The following SLC4A5 variants were observed in gnomAD, a reference collection of about 807,000 sequenced individuals.
SLC4A5 encodes electrogenic sodium bicarbonate cotransporter 4.
Under a neutral mutation model 120.4 loss-of-function variants are expected in SLC4A5, and 96 were observed. The ratio of observed to expected loss-of-function variants is 0.80; its 90% CI spans 0.68 to 0.94. SLC4A5 has a LOEUF of 0.94. SLC4A5 is among the 40% of genes least tolerant of loss of function. The pLI, the probability that SLC4A5 is intolerant of heterozygous loss-of-function variation, is 0.00. For missense variants in SLC4A5, 1,259 were observed against 1,459.5 expected, an observed-to-expected ratio of 0.86 and a Z score of 2.24; for synonymous variants, 550 against 571.1, an observed-to-expected ratio of 0.96 and a Z score of 0.53.
In SLC4A5 at chr2:74,227,894, A is replaced by G. The variant is rs1479395490; in HGVS notation, c.2848-16T>C. On this transcript the variant is annotated splice_polypyrimidine_tract_variant and intron_variant, in intron 25 of 30. Transcript: ENST00000394019. ...GGGGGATACACTAAAATGAGAGCAG[A>G]GCTTTGGATCGGCCTCTGCCTGGGG... is the stretch of plus-strand genomic sequence containing the variant. The G allele has an allele frequency of 5.0e-6, 8 of 1,590,486 alleles. No homozygotes were observed. The highest frequency in any genetic ancestry group is 5.1e-6 in the Non-Finnish European group (6 of 1,169,118).
At chr2:74,269,298 C>A (rs549933930) in intron 8 of SLC4A5, among the ~76,000 whole-genome samples, 1 of 152,248 alleles carries the variant, frequency 6.6e-6, no homozygotes, top group Admixed American at 6.5e-5. Context: ...CCTCTGCCTC[C>A]GTGGTTCAAG....
intron 7 of SLC4A5, among the ~76,000 whole-genome samples, chr2:74,299,702 C>T (rs572594585): frequency 8.2e-4 from 125 of 152,156 alleles, no homozygotes; most frequent in Middle Eastern, 6.8e-3. Flanking sequence ...AGAATGGCTA[C>T]AAAAAGCAAA....
In SLC4A5 at chr2:74,252,405, A is replaced by G. The variant is rs375384185; in HGVS notation, c.1269-17T>C. ...ACAGATTTCCTGGAAGAGAAGGGGG[A>G]TGAAGGAGAGTGGGTCCCCCAGAGC... is the stretch of plus-strand genomic sequence containing the variant. On this transcript the variant is annotated splice_polypyrimidine_tract_variant and intron_variant, in intron 15 of 30. Transcript: ENST00000394019. 3.7e-4 allele frequency: 597 copies of G among 1,605,044 alleles called. 1 individual carries two copies. Among genetic ancestry groups the G allele is most frequent in the Middle Eastern group, 2.3e-3 (14 of 6,036 alleles).
chr2:74,244,484 C>T (rs55792046), intron 19 of SLC4A5, among the ~76,000 whole-genome samples: 2 of 137,384 alleles, frequency 1.5e-5, no homozygotes, highest in Admixed American at 7.8e-5. Context: ...CTTTCTTCTC[C>T]TTTCTCTCTC....
At chr2:74,299,029 G>A (rs1672404202) in intron 7 of SLC4A5, among the ~76,000 whole-genome samples, 1 of 152,138 alleles carries the variant, frequency 6.6e-6, no homozygotes, top group Non-Finnish European at 1.5e-5. Flanking sequence ...TAATCATGAG[G>A]GTGGGTTTTT....
intron 6 of SLC4A5, chr2:74,306,732 C>T: frequency 1.6e-6 from 2 of 1,218,432 alleles, no homozygotes; most frequent in Non-Finnish European, 2.3e-6. Flanking sequence ...GGCTTAATGT[C>T]TCAGAACTTT....
At chr2:74,288,478 C>T (rs188755784) in intron 7 of SLC4A5, among the ~76,000 whole-genome samples, 62 of 152,296 alleles carry the variant, frequency 4.1e-4, no homozygotes, top group South Asian at 6.2e-4. Flanking sequence ...TGATCATCGC[C>T]GCTCTGAACT....
chr2:74,280,816 C>G (rs1671789281), intron 8 of SLC4A5, among the ~76,000 whole-genome samples: 1 of 152,062 alleles, frequency 6.6e-6, no homozygotes, highest in Non-Finnish European at 1.5e-5. Flanking sequence ...TCCTGAGTAG[C>G]TGGTATTACA....
intron 26 of SLC4A5, 77 bp downstream of exon 26, chr2:74,227,733 T>G: frequency 7.4e-7 from 1 of 1,355,830 alleles, no homozygotes; most frequent in Non-Finnish European, 1.0e-6. Flanking sequence ...ACAACTGAAT[T>G]GGGGGTCTTG....
At chr2:74,227,278 G>C in intron 26 of SLC4A5, 148 bp from the exon 27 acceptor site, 1 of 1,015,312 alleles carries the variant, frequency 9.8e-7, no homozygotes, top group Non-Finnish European at 1.4e-6. Flanking sequence ...GGGGCTGGAG[G>C]TGTCTAGGCG....
chr2:74,242,084 C>A, intron 19 of SLC4A5, 32 bp from the exon 20 acceptor site: 2 of 1,592,746 alleles, frequency 1.3e-6, no homozygotes, highest in South Asian at 2.2e-5. Flanking sequence ...GGGGCAGGGT[C>A]AGCAGCTGTG....
At chr2:74,278,369 G>A (rs903460717) in intron 8 of SLC4A5, among the ~76,000 whole-genome samples, 7 of 152,188 alleles carry the variant, frequency 4.6e-5, no homozygotes, top group African/African-American at 9.7e-5. Flanking sequence ...GGTCAACCGC[G>A]TGATGGCCTT....
Position 74,247,183 on chromosome 2 carries a change from C to A in SLC4A5, c.1912G>T (p.Glu638Ter). The change falls in exon 19 of 31, where the codon GAG becomes TAG. Residue 638 changes from glutamate to a stop codon, truncating the protein, a stop_gained. Transcript: ENST00000394019. LOFTEE classifies it high-confidence loss of function. Reference sequence around the variant, plus strand: ...AAGCTGATAAGGGTGGAGAAGCCCTCCTCGGTGAAGCGGGTGATATATTTG... The same window carrying A: ...AAGCTGATAAGGGTGGAGAAGCCCTACTCGGTGAAGCGGGTGATATATTTG... 4.3e-6 allele frequency: 7 copies of A among 1,614,210 alleles called. No individual in the cohort carries two copies. The highest frequency in any genetic ancestry group is 5.1e-6 in the Non-Finnish European group (6 of 1,180,042).
chr2:74,302,854 C>T (rs538140482), intron 7 of SLC4A5, among the ~76,000 whole-genome samples: 2 of 152,174 alleles, frequency 1.3e-5, no homozygotes, highest in Non-Finnish European at 2.9e-5. Context: ...CTTCCAAGGA[C>T]GACCTCAATC....
chr2:74,278,406 G>A (rs1229213959), intron 8 of SLC4A5, among the ~76,000 whole-genome samples: 1 of 152,186 alleles, frequency 6.6e-6, no homozygotes, highest in Non-Finnish European at 1.5e-5. Flanking sequence ...GTCCCCATGG[G>A]TGTGGACTTG....
chr2:74,342,050 A>C (rs115949722), intron 2 of SLC4A5, among the ~76,000 whole-genome samples: 1,574 of 152,356 alleles, frequency 0.01, 29 homozygotes, highest in African/African-American at 0.032. Flanking sequence ...TTAGCAGAAG[A>C]AGCACATAGC....
At chr2:74,304,413 C>G (rs565777645) in intron 7 of SLC4A5, 76 bp downstream of exon 7, 6 of 1,395,462 alleles carry the variant, frequency 4.3e-6, no homozygotes, top group Non-Finnish European at 5.8e-6. Flanking sequence ...TCCAGAAAAT[C>G]CCCCCTGCCC....
chr2:74,301,274 C>T (rs1672469074), intron 7 of SLC4A5, among the ~76,000 whole-genome samples: 1 of 152,108 alleles, frequency 6.6e-6, no homozygotes, highest in African/African-American at 2.4e-5. Flanking sequence ...TCACAGGTAC[C>T]AAGCCCCTTC....
Position 74,285,863 on chromosome 2 carries a change from TC to T in SLC4A5, c.310del (p.Glu104ArgfsTer33). ...GGTGGGGTTGGGAGCCTCATCTTCC[TC>T]CCCCAGGATGTCCTGGAGCTGCTCA... On this transcript the variant is annotated frameshift_variant, in exon 8 of 31. Coordinates refer to ENST00000394019, the Ensembl canonical transcript of SLC4A5. LOFTEE classifies it high-confidence loss of function. 1 of 1,611,244 alleles carries T rather than the reference TC, an allele frequency of 6.2e-7. No individual in the cohort carries two copies.
Sources: gnomAD v4.1 joint callset for allele counts (sites outside exome capture counted in the v4.1 genomes callset) on GRCh38, gnomAD v4.1.1 for gene constraint, MANE v1.5 for transcripts, NCBI Gene and HGNC (gene_info 2026-07-23, HGNC 2026-07-21) for gene names.